The following SPRED2 variants were observed in gnomAD, a reference collection of about 807,000 sequenced individuals.
The protein encoded by SPRED2 is sprouty-related, EVH1 domain-containing protein 2.
In SPRED2, 47 loss-of-function variants were observed where a neutral mutation model predicts 43.0. The ratio of observed to expected loss-of-function variants is 1.09; its 90% CI spans 0.87 to 1.40. The LOEUF (loss-of-function observed/expected upper bound fraction) is 1.40. SPRED2 is among the 40% of genes most tolerant of loss of function. The probability of loss-of-function intolerance (pLI) is 0.00; values close to 1 mark genes in which losing one functional copy is unlikely to be tolerated. For missense variants in SPRED2, 561 were observed against 586.4 expected, an observed-to-expected ratio of 0.96 and a Z score of 0.45; for synonymous variants, 225 against 225.7, an observed-to-expected ratio of 1.00 and a Z score of 0.03.
rs1673090001 is a variant in SPRED2, at chr2:65,312,252, G to A, written c.*1249C>T. 1.0e-6 allele frequency: 1 copy of A among 985,494 alleles called. No homozygotes were observed. The highest frequency in any genetic ancestry group is 1.2e-6 in the Non-Finnish European group (1 of 829,942). 61.0% of individuals were successfully genotyped at this position (985,494 alleles called of 1,614,324 possible). ...GGCGAGTCTGGGTTTGGAGTTGCAG[G>A]AGAAAGACACTTAGGCATTGGAAGG... On this transcript the variant is annotated 3_prime_UTR_variant, in exon 6 of 6. Transcript: ENST00000356388.
At chr2:65,430,949 C>A (rs1051947074) in intron 1 of SPRED2, among the ~76,000 whole-genome samples, 30 of 152,166 alleles carry the variant, frequency 2.0e-4, no homozygotes, top group Non-Finnish European at 3.4e-4. Flanking sequence ...AAACCCCAGG[C>A]ATAAGACTTG....
At chr2:65,402,849 T>G (rs1675937904) in intron 1 of SPRED2, among the ~76,000 whole-genome samples, 1 of 152,210 alleles carries the variant, frequency 6.6e-6, no homozygotes, top group East Asian at 1.9e-4. Flanking sequence ...AAAATCATAA[T>G]TAGGGTTTTA....
intron 2 of SPRED2, among the ~76,000 whole-genome samples, chr2:65,341,058 G>C (rs939535619): frequency 3.4e-5 from 5 of 147,412 alleles, no homozygotes; most frequent in African/African-American, 1.2e-4. Context: ...GGGGTGGTGG[G>C]GGGGAGGGCA....
In SPRED2 at chr2:65,314,052, C is replaced by A; in HGVS notation, c.706G>T (p.Val236Phe). Reference protein sequence around the residue: ...TGYEDYRHAPVRGKYPDPSED... With the variant: ...TGYEDYRHAPFRGKYPDPSED... ...GAGGGGTCCGGGTACTTGCCCCTGACGGGTGCGTGCCGGTAATCCTCGTAC... is the reference window on the plus strand; with the variant it reads ...GAGGGGTCCGGGTACTTGCCCCTGAAGGGTGCGTGCCGGTAATCCTCGTAC... The change falls in exon 6 of 6, where the codon GTC becomes TTC. Residue 236 changes from valine (V) to phenylalanine (F), a missense_variant. By Grantham distance (50) the Val-to-Phe change is conservative. This residue lies in a region of SPRED2 where 164 missense variants were observed against 164.1 expected (regional missense o/e 1.00). Transcript: ENST00000356388. The A allele has an allele frequency of 6.2e-7, 1 of 1,614,146 alleles. No individual in the cohort carries two copies. Among genetic ancestry groups the A allele is most frequent in the East Asian group, 2.2e-5 (1 of 44,868 alleles).
At chr2:65,429,818 A>G (rs1676637036) in intron 1 of SPRED2, among the ~76,000 whole-genome samples, 1 of 152,186 alleles carries the variant, frequency 6.6e-6, no homozygotes, top group South Asian at 2.1e-4. Flanking sequence ...TCAAATATCT[A>G]TCCTCTCAAC....
chr2:65,401,036 T>C (rs1675872876), intron 1 of SPRED2, among the ~76,000 whole-genome samples: 1 of 152,168 alleles, frequency 6.6e-6, no homozygotes, highest in Admixed American at 6.5e-5. Context: ...GGTGTGATCT[T>C]GGTTCACTGC....
intron 1 of SPRED2, among the ~76,000 whole-genome samples, chr2:65,397,549 G>T (rs1397732395): frequency 6.6e-6 from 1 of 151,384 alleles, no homozygotes; most frequent in African/African-American, 2.4e-5. Flanking sequence ...ACCCTGCCCA[G>T]CTGTGGGCAG....
chr2:65,325,820 T>C (rs1248448757), intron 4 of SPRED2, among the ~76,000 whole-genome samples: 1 of 152,116 alleles, frequency 6.6e-6, no homozygotes, highest in African/African-American at 2.4e-5. Flanking sequence ...AATATCTTTG[T>C]AAAAATACAA....
At chr2:65,364,034 T>C (rs2104323272) in intron 1 of SPRED2, among the ~76,000 whole-genome samples, 1 of 152,318 alleles carries the variant, frequency 6.6e-6, no homozygotes, top group Non-Finnish European at 1.5e-5. Context: ...GTCACTCTAC[T>C]TGGCTCAGAA....
At chr2:65,367,003 T>C (rs1674996315) in intron 1 of SPRED2, among the ~76,000 whole-genome samples, 2 of 152,208 alleles carry the variant, frequency 1.3e-5, no homozygotes, top group Non-Finnish European at 2.9e-5. Context: ...GAGATTACAT[T>C]CTGGAGAACC....
At chr2:65,322,528 C>T (rs1172095439) in intron 4 of SPRED2, among the ~76,000 whole-genome samples, 2 of 151,888 alleles carry the variant, frequency 1.3e-5, no homozygotes, top group African/African-American at 2.4e-5. Context: ...CTCCTGACCT[C>T]GTTATCCACC....
chr2:65,362,875 GA>G (rs1558669443), intron 1 of SPRED2, among the ~76,000 whole-genome samples: 1 of 143,616 alleles, frequency 7.0e-6, no homozygotes, highest in Non-Finnish European at 1.5e-5. Context: ...AAAAAGAAAA[GA>G]AAAGAAAAGA....
At chr2:65,376,935 C>T (rs761474103) in intron 1 of SPRED2, among the ~76,000 whole-genome samples, 8 of 152,086 alleles carry the variant, frequency 5.3e-5, no homozygotes, top group African/African-American at 1.9e-4. Context: ...AGGATGGTCT[C>T]GATCTCCTGA....
intron 4 of SPRED2, among the ~76,000 whole-genome samples, chr2:65,330,998 A>AT (rs1174921717): frequency 1.5e-4 from 23 of 151,952 alleles, no homozygotes; most frequent in Admixed American, 4.6e-4. Context: ...ATGAAACAGA[A>AT]AAAAAATCAG....
intron 1 of SPRED2, among the ~76,000 whole-genome samples, chr2:65,357,117 G>A (rs1674675374): frequency 6.6e-6 from 1 of 152,204 alleles, no homozygotes; most frequent in Non-Finnish European, 1.5e-5. Context: ...TTAAGAGCCT[G>A]TTTATATTCC....
chr2:65,426,921 C>A (rs1187661183), intron 1 of SPRED2, among the ~76,000 whole-genome samples: 1 of 152,182 alleles, frequency 6.6e-6, no homozygotes, highest in African/African-American at 2.4e-5. Context: ...AAACCCAGAC[C>A]ACAACCAGCT....
At chr2:65,401,930 C>CGCGTGT (rs765679515) in intron 1 of SPRED2, among the ~76,000 whole-genome samples, 1 of 101,302 alleles carries the variant, frequency 9.9e-6, no homozygotes, top group Non-Finnish European at 1.9e-5. Flanking sequence ...AATATTAGCG[C>CGCGTGT]GCGCGCGCAC....
intron 1 of SPRED2, among the ~76,000 whole-genome samples, chr2:65,363,363 G>A (rs534904827): frequency 9.9e-5 from 15 of 152,146 alleles, no homozygotes; most frequent in African/African-American, 3.1e-4. Context: ...ACATGTACCC[G>A]GAAGAATGTT....
chr2:65,395,585 T>A (rs1675740655), intron 1 of SPRED2, among the ~76,000 whole-genome samples: 1 of 152,290 alleles, frequency 6.6e-6, no homozygotes, highest in East Asian at 1.9e-4. Flanking sequence ...CCTCAATTCA[T>A]CTTGCACATC....
Sources: gnomAD v4.1 joint callset for allele counts (sites outside exome capture counted in the v4.1 genomes callset) on GRCh38, gnomAD v4.1.1 for gene constraint, gnomAD v4.1.1 regional missense constraint, MANE v1.5 for transcripts, NCBI Gene and HGNC (gene_info 2026-07-23, HGNC 2026-07-21) for gene names.